Variants in UBQLN3 observed in about 807,000 individuals in gnomAD.
UBQLN3 encodes the protein ubiquilin-3.
In UBQLN3, 1 loss-of-function variant was observed where a neutral mutation model predicts 2.9. That is an observed-to-expected ratio of 0.35 (90% CI 0.12 to 1.66). The LOEUF (loss-of-function observed/expected upper bound fraction) is 1.66. UBQLN3 is among the 40% of genes most tolerant of loss of function. The pLI, the probability that UBQLN3 is intolerant of heterozygous loss-of-function variation, is 0.35. For missense variants in UBQLN3, 924 were observed against 816.5 expected (o/e 1.13, Z -1.61); for synonymous variants, 358 against 317.6 (o/e 1.13, Z -1.35).
In UBQLN3 at chr11:5,507,450, G is replaced by C. The variant is rs1346126996; in HGVS notation, c.*141C>G. On this transcript the variant is annotated 3_prime_UTR_variant, in exon 2 of 2. Coordinates refer to ENST00000311659, the MANE Select transcript of UBQLN3 (RefSeq NM_017481.4). Reference sequence around the variant, plus strand: ...CCATTAGTCTTCCTCGTTGACTCTGGAACAACATTGCCTCCACAGCAAAGG... The same window carrying C: ...CCATTAGTCTTCCTCGTTGACTCTGCAACAACATTGCCTCCACAGCAAAGG... 1 of 1,453,168 alleles carries C rather than the reference G, an allele frequency of 6.9e-7. No homozygotes were observed. The highest frequency in any genetic ancestry group is 9.1e-7 in the Non-Finnish European group (1 of 1,101,274). 90.0% of individuals were successfully genotyped at this position (1,453,168 alleles called of 1,614,324 possible).
chr11:5,508,043 G>A lies in UBQLN3; in HGVS notation c.1516C>T (p.Pro506Ser). 1 of 1,614,048 alleles carries A rather than the reference G, an allele frequency of 6.2e-7. No homozygotes were observed. The highest frequency in any genetic ancestry group is 8.5e-7 in the Non-Finnish European group (1 of 1,180,034). ...QLQDEIQPQL[P>S]LLMHLQAAMA... ...GCTGCCTGAAGGTGCATCAGCAGTGGCAGCTGTGGTTGTATCTCATCCTGT... is the reference window on the plus strand; with the variant it reads ...GCTGCCTGAAGGTGCATCAGCAGTGACAGCTGTGGTTGTATCTCATCCTGT... The change falls in exon 2 of 2, where the codon CCA becomes TCA. Residue 506 changes from proline to serine, a missense_variant. By Grantham distance (74) the Pro-to-Ser change is moderately conservative. Coordinates refer to ENST00000311659, the MANE Select transcript of UBQLN3 (RefSeq NM_017481.4). This position sits in a 1 kb window ranked among gnomAD's most constrained non-coding sequence, Gnocchi z 4.2.
chr11:5,507,819 G>A lies in UBQLN3; in HGVS notation c.1740C>T (p.Phe580=). Residue 580 remains phenylalanine (F), a synonymous_variant, in exon 2 of 2, where the codon TTC becomes TTT. Coordinates refer to ENST00000311659, the MANE Select transcript of UBQLN3 (RefSeq NM_017481.4). ...CCAGCTCTGCAGAGTCCAGTGCTGGGAACACCTCAGGAGGTGGATTTGGGA... is the reference window on the plus strand; with the variant it reads ...CCAGCTCTGCAGAGTCCAGTGCTGGAAACACCTCAGGAGGTGGATTTGGGA... ...DPLPNPPPEV[F]PALDSAELGF... 1 of 1,614,018 alleles carries A rather than the reference G, an allele frequency of 6.2e-7. No individual in the cohort carries two copies. Among genetic ancestry groups the A allele is most frequent in the South Asian group, 1.1e-5 (1 of 91,078 alleles).
Position 5,509,203 on chromosome 11 carries a change from T to C in UBQLN3, c.356A>G (p.Gln119Arg), listed in dbSNP as rs953593249. The change falls in exon 2 of 2, where the codon CAG becomes CGG. Residue 119 changes from glutamine (Q) to arginine (R), a missense_variant. Coordinates refer to ENST00000311659, the MANE Select transcript of UBQLN3 (RefSeq NM_017481.4). The stretch of plus-strand genomic sequence containing the variant: ...ATCTGCTGGGTAAATGGAGCTTGGC[T>C]GAGGGAGTGATCCAGGACTTGGGCC... Reference protein sequence around the residue: ...TQGPSPGSLPQPSSIYPADGP... With the variant: ...TQGPSPGSLPRPSSIYPADGP... 2 of 1,614,042 alleles carry C rather than the reference T, an allele frequency of 1.2e-6. No individual in the cohort carries two copies. The highest frequency in any genetic ancestry group is 1.3e-5 in the African/African-American group (1 of 75,032).
At position 5,509,207 on chromosome 11, in the gene UBQLN3, G is replaced by A. The variant is rs1327965191; in HGVS notation, c.352C>T (p.Pro118Ser). Reference protein sequence around the residue: ...PTQGPSPGSLPQPSSIYPADG... With the variant: ...PTQGPSPGSLSQPSSIYPADG... ...GCTGGGTAAATGGAGCTTGGCTGAG[G>A]GAGTGATCCAGGACTTGGGCCCTGG... The change falls in exon 2 of 2, where the codon CCT becomes TCT. Residue 118 changes from proline (P) to serine (S), a missense_variant. Pro to Ser is a moderately conservative substitution (Grantham distance 74, BLOSUM62 -1). Transcript: ENST00000311659. The A allele has an allele frequency of 1.2e-6, 2 of 1,614,004 alleles. No homozygotes were observed. Among genetic ancestry groups the A allele is most frequent in the African/African-American group, 2.7e-5 (2 of 74,930 alleles).
intron 1 of UBQLN3, 93 bp downstream of exon 1, chr11:5,509,780 AG>A: frequency 2.8e-6 from 2 of 706,990 alleles, no homozygotes; most frequent in Non-Finnish European, 4.4e-6. Flanking sequence ...TGTTGGAATC[AG>A]GGGAGGGAAA....
Position 5,508,342 on chromosome 11 carries a change from C to T in UBQLN3, c.1217G>A (p.Arg406Lys), listed in dbSNP as rs754690474. 1 of 1,608,376 alleles carries T rather than the reference C, an allele frequency of 6.2e-7. No individual in the cohort carries two copies. The highest frequency in any genetic ancestry group is 1.1e-5 in the South Asian group (1 of 90,756). Residue 406 changes from arginine to lysine, a missense_variant, in exon 2 of 2, where the codon AGG (arginine) becomes AAG (lysine). Arg to Lys is a conservative substitution (Grantham distance 26, BLOSUM62 2). Coordinates refer to ENST00000311659, the MANE Select transcript of UBQLN3 (RefSeq NM_017481.4). This position sits in a 1 kb window ranked among gnomAD's most constrained non-coding sequence, Gnocchi z 4.2. ...TCTCAGGAAAGCTGGGCAGGAGGAC[C>T]TTCCCTTGATTGCTACTGACTCCTC... ...LPEESVAIKG[R>K]SSCPAFLRYP... is the part of the protein sequence containing the mutation.
Position 5,509,348 on chromosome 11 carries a change from T to C in UBQLN3, c.211A>G (p.Lys71Glu). Residue 71 changes from lysine to glutamate, a missense_variant, in exon 2 of 2, where the codon AAG (lysine) becomes GAG (glutamate). By Grantham distance (56) the Lys-to-Glu change is moderately conservative. Coordinates refer to ENST00000311659, the MANE Select transcript of UBQLN3 (RefSeq NM_017481.4). Reference sequence around the variant, plus strand: ...CACTGTGCCAGTGAGTCAGGATCCTTGAGGATTTTGCCAGCAAAGATTAGA... The same window carrying C: ...CACTGTGCCAGTGAGTCAGGATCCTCGAGGATTTTGCCAGCAAAGATTAGA... ...LVLIFAGKIL[K>E]DPDSLAQCGV... The C allele has an allele frequency of 6.2e-7, 1 of 1,614,188 alleles. No individual in the cohort carries two copies. Among genetic ancestry groups the C allele is most frequent in the Non-Finnish European group, 8.5e-7 (1 of 1,180,044 alleles).
chr11:5,508,303 TTCTCTGTGGGGTA>T lies in UBQLN3; in HGVS notation c.1243_1255del (p.Tyr415ThrfsTer68). 1 of 1,612,456 alleles carries T rather than the reference TTCTCTGTGGGGTA, an allele frequency of 6.2e-7. No homozygotes were observed. Among genetic ancestry groups the T allele is most frequent in the African/African-American group, 1.3e-5 (1 of 74,932 alleles). ...TTGGTCTCCACCTTGTCCAGTACTG[TTCTCTGTGGGGTA>T]TCTCAGGAAAGCTGGGCAGGAGGAC... On this transcript the variant is annotated frameshift_variant, in exon 2 of 2. Transcript: ENST00000311659. LOFTEE classifies it low-confidence loss of function (END_TRUNC). The surrounding 1 kb of genome is among the most constrained non-coding windows in gnomAD (Gnocchi z 4.2).
rs758651697 is a variant in UBQLN3 at position 5,508,143 on chromosome 11, A to G, written c.1416T>C (p.Pro472=). The change falls in exon 2 of 2, where the codon CCT becomes CCC. Residue 472 remains proline (P), a synonymous_variant. Transcript: ENST00000311659. The surrounding 1 kb of genome is among the most constrained non-coding windows in gnomAD (Gnocchi z 4.2). The part of the protein sequence containing the change: ...FSPTAAIPGI[P]EPPWLPSPAY... ...CCGGGGATGGCAGCCAGGGAGGCTC[A>G]GGGATTCCAGGAATGGCTGCCGTGG... is the stretch of plus-strand genomic sequence containing the variant. The G allele has an allele frequency of 1.9e-6, 3 of 1,614,200 alleles. No homozygotes were observed. Among genetic ancestry groups the G allele is most frequent in the Admixed American group, 3.3e-5 (2 of 60,030 alleles).
At position 5,507,484 on chromosome 11, in the gene UBQLN3, G is replaced by A; in HGVS notation, c.*107C>T. ...TGCCTCCACAGCAAAGGACTTCATA[G>A]TAAATTTGGTTTATAATGCAGCTGT... On this transcript the variant is annotated 3_prime_UTR_variant, in exon 2 of 2. Coordinates refer to ENST00000311659, the MANE Select transcript of UBQLN3 (RefSeq NM_017481.4). The A allele has an allele frequency of 1.3e-6, 2 of 1,504,868 alleles. No individual in the cohort carries two copies. Among genetic ancestry groups the A allele is most frequent in the Non-Finnish European group, 1.8e-6 (2 of 1,128,354 alleles). The allele number at this position is 1,504,868 out of a possible 1,614,324, so 93.2% of individuals were successfully genotyped here. A position where few individuals can be genotyped will look rare whatever the true frequency, so the allele number is the denominator to read the frequency against.
At position 5,508,630 on chromosome 11, in the gene UBQLN3, T is replaced by C. The variant is rs1475060510; in HGVS notation, c.929A>G (p.His310Arg). ...DPLPNPWTST[H>R]GGSGSRQGRQ... ...TCCTTGCCTGCTACCTGAGCCTCCA[T>C]GTGTGGAAGTCCAGGGGTTGGGGAG... The change falls in exon 2 of 2, where the codon CAT becomes CGT. Residue 310 changes from histidine to arginine, a missense_variant. His to Arg is a conservative substitution (Grantham distance 29). Coordinates refer to ENST00000311659, the MANE Select transcript of UBQLN3 (RefSeq NM_017481.4). The surrounding 1 kb of genome is among the most constrained non-coding windows in gnomAD (Gnocchi z 4.2). 20 of 1,614,086 alleles carry C rather than the reference T, an allele frequency of 1.2e-5. No homozygotes were observed. Among genetic ancestry groups the C allele is most frequent in the Middle Eastern group, 1.6e-4 (1 of 6,062 alleles).
rs761314788 is a variant in UBQLN3, at chr11:5,508,772, C to G, written c.787G>C (p.Asp263His). The G allele has an allele frequency of 5.0e-6, 8 of 1,613,954 alleles. No homozygotes were observed. The highest frequency in any genetic ancestry group is 6.8e-6 in the Non-Finnish European group (8 of 1,180,036). The change falls in exon 2 of 2, where the codon GAC becomes CAC. Residue 263 changes from aspartate (D) to histidine (H), a missense_variant. Physicochemically the swap from Asp to His is moderately conservative, Grantham distance 81 (BLOSUM62 -1). Transcript: ENST00000311659. This position sits in a 1 kb window ranked among gnomAD's most constrained non-coding sequence, Gnocchi z 4.2. Reference protein sequence around the residue: ...VLCTMYTDIMDPMLNAVQEQF... With the variant: ...VLCTMYTDIMHPMLNAVQEQF... Reference sequence around the variant, plus strand: ...TCCTGGACTGCGTTAAGCATTGGGTCCATAATATCTGTGTACATAGTGCAA... The same window carrying G: ...TCCTGGACTGCGTTAAGCATTGGGTGCATAATATCTGTGTACATAGTGCAA...
chr11:5,507,928 C>T lies in UBQLN3; in HGVS notation c.1631G>A (p.Trp544Ter). 1 of 1,613,948 alleles carries T rather than the reference C, an allele frequency of 6.2e-7. No homozygotes were observed. Reference sequence around the variant, plus strand: ...CGTCCCTGCTAGGCAAGGCATGAACCAGAGTAGGAGGCGAGGTGCTTCAGT... The same window carrying T: ...CGTCCCTGCTAGGCAAGGCATGAACTAGAGTAGGAGGCGAGGTGCTTCAGT... ...LATEAPRLLLWFMPCLAGTGS... is the reference protein window; with the variant it reads ...LATEAPRLLL Residue 544 changes from tryptophan to a stop codon, truncating the protein, a stop_gained, in exon 2 of 2, where the codon TGG (tryptophan) becomes TAG (stop). Transcript: ENST00000311659. LOFTEE classifies it low-confidence loss of function (END_TRUNC).
At position 5,509,483 on chromosome 11, in the gene UBQLN3, CT is replaced by C. The variant is rs2133826919; in HGVS notation, c.75del (p.Val26Ter). Reference protein sequence around the residue: ...PVQDPHLIKVTVKTPKDKEDF... With the variant: ...PVQDPHLIKVXVKTPKDKEDF... ...TCCTCCTTGTCTTTGGGCGTCTTCA[CT>C]GTCACCTTGATGAGGTGGGGATCCT... On this transcript the variant is annotated frameshift_variant, in exon 2 of 2. Transcript: ENST00000311659. LOFTEE classifies it low-confidence loss of function (END_TRUNC). 1 of 1,614,228 alleles carries C rather than the reference CT, an allele frequency of 6.2e-7. No individual in the cohort carries two copies. The highest frequency in any genetic ancestry group is 1.3e-5 in the African/African-American group (1 of 75,070).
At position 5,509,464 on chromosome 11, in the gene UBQLN3, T is replaced by G. The variant is rs980198667; in HGVS notation, c.95A>C (p.Lys32Thr). Residue 32 changes from lysine (K) to threonine (T), a missense_variant, in exon 2 of 2, where the codon AAG becomes ACG. Physicochemically the swap from Lys to Thr is moderately conservative, Grantham distance 78. Coordinates refer to ENST00000311659, the MANE Select transcript of UBQLN3 (RefSeq NM_017481.4). The part of the protein sequence containing the change: ...IKVTVKTPKD[K>T]EDFSVTDTCT... Reference sequence around the variant, plus strand: ...TGTGTCTGTAACTGAGAAATCCTCCTTGTCTTTGGGCGTCTTCACTGTCAC... The same window carrying G: ...TGTGTCTGTAACTGAGAAATCCTCCGTGTCTTTGGGCGTCTTCACTGTCAC... 3.7e-6 allele frequency: 6 copies of G among 1,614,094 alleles called. No individual in the cohort carries two copies. In the Admixed American group the frequency reaches 1.0e-4, roughly 27 times the overall value.
rs750787707 is a variant in UBQLN3, at chr11:5,508,197, C to G, written c.1362G>C (p.Arg454Ser). The change falls in exon 2 of 2, where the codon AGG becomes AGC. Residue 454 changes from arginine to serine, a missense_variant. By Grantham distance (110) the Arg-to-Ser change is moderately radical. Coordinates refer to ENST00000311659, the MANE Select transcript of UBQLN3 (RefSeq NM_017481.4). This position sits in a 1 kb window ranked among gnomAD's most constrained non-coding sequence, Gnocchi z 4.2. ...LVSGLGDSAN[R>S]VPFAPLSFSP... ...AAAAAGATAAGGGAGCAAATGGAAC[C>G]CTGTTGGCAGAATCTCCCAGCCCCG... The G allele has an allele frequency of 8.1e-6, 13 of 1,614,056 alleles. No homozygotes were observed. The highest frequency in any genetic ancestry group is 1.3e-5 in the African/African-American group (1 of 74,924).
At position 5,508,735 on chromosome 11, in the gene UBQLN3, C is replaced by T; in HGVS notation, c.824G>A (p.Gly275Asp). The T allele has an allele frequency of 1.2e-6, 2 of 1,613,880 alleles. No individual in the cohort carries two copies. Among genetic ancestry groups the T allele is most frequent in the Non-Finnish European group, 1.7e-6 (2 of 1,180,010 alleles). Residue 275 changes from glycine (G) to aspartate (D), a missense_variant, in exon 2 of 2, where the codon GGC becomes GAC. By Grantham distance (94) the Gly-to-Asp change is moderately conservative (BLOSUM62 -1). Coordinates refer to ENST00000311659, the MANE Select transcript of UBQLN3 (RefSeq NM_017481.4). The surrounding 1 kb of genome is among the most constrained non-coding windows in gnomAD (Gnocchi z 4.2). Reference protein sequence around the residue: ...MLNAVQEQFGGNPFATATTDN... With the variant: ...MLNAVQEQFGDNPFATATTDN... ...AGTAGTGGCAGTGGCAAAGGGATTG[C>T]CGCCAAACTGCTCCTGGACTGCGTT...
At position 5,508,317 on chromosome 11, in the gene UBQLN3, T is replaced by C; in HGVS notation, c.1242A>G (p.Arg414=). Residue 414 remains arginine (R), a synonymous_variant, in exon 2 of 2, where the codon AGA becomes AGG. Coordinates refer to ENST00000311659, the MANE Select transcript of UBQLN3 (RefSeq NM_017481.4). This position sits in a 1 kb window ranked among gnomAD's most constrained non-coding sequence, Gnocchi z 4.2. ...GTCCAGTACTGTTCTCTGTGGGGTA[T>C]CTCAGGAAAGCTGGGCAGGAGGACC... ...KGRSSCPAFL[R]YPTENSTGQG... is the part of the protein sequence containing the mutation. 1 of 1,610,514 alleles carries C rather than the reference T, an allele frequency of 6.2e-7. No homozygotes were observed. The highest frequency in any genetic ancestry group is 8.5e-7 in the Non-Finnish European group (1 of 1,177,372).
Position 5,508,027 on chromosome 11 carries a change from A to C in UBQLN3, c.1532T>G (p.Leu511Arg). ...ACGGGGGTTTGCCATGGCTGCCTGA[A>C]GGTGCATCAGCAGTGGCAGCTGTGG... Reference protein sequence around the residue: ...IQPQLPLLMHLQAAMANPRAL... With the variant: ...IQPQLPLLMHRQAAMANPRAL... Residue 511 changes from leucine to arginine, a missense_variant, in exon 2 of 2, where the codon CTT becomes CGT. Physicochemically the swap from Leu to Arg is moderately radical, Grantham distance 102. Transcript: ENST00000311659. This position sits in a 1 kb window ranked among gnomAD's most constrained non-coding sequence, Gnocchi z 4.2. The C allele has an allele frequency of 6.2e-7, 1 of 1,614,108 alleles. No individual in the cohort carries two copies. Among genetic ancestry groups the C allele is most frequent in the South Asian group, 1.1e-5 (1 of 91,076 alleles).
Sources: gnomAD v4.1 joint callset for allele counts on GRCh38, gnomAD v4.1.1 for gene constraint, Gnocchi (gnomAD v3.1) non-coding constraint, MANE v1.5 for transcripts, NCBI Gene and HGNC (gene_info 2026-07-23, HGNC 2026-07-21) for gene names.